Variants in SCN4A observed in about 807,000 individuals in gnomAD.
SCN4A encodes sodium voltage-gated channel alpha subunit 4, also known as sodium channel protein type 4 subunit alpha.
Under a neutral mutation model 162.0 loss-of-function variants are expected in SCN4A, and 83 were observed. The observed-to-expected ratio is 0.51, with a 90% CI of 0.43 to 0.61. The LOEUF (loss-of-function observed/expected upper bound fraction) is 0.61, where lower values mean the gene tolerates loss of function less well. SCN4A is among the 20% of genes least tolerant of loss of function. SCN4A has a pLI of 0.00. For missense variants in SCN4A, 2,196 were observed against 2,462.5 expected (o/e 0.89, Z 2.29); for synonymous variants, 944 against 985.1 (o/e 0.96, Z 0.78).
chr17:63,945,868 C>T lies in SCN4A; in HGVS notation c.3442-230G>A, dbSNP rs1471997342. Among the ~76,000 whole-genome samples, 1 of 152,042 alleles carries T rather than the reference C, an allele frequency of 6.6e-6. No individual in the cohort carries two copies. The highest frequency in any genetic ancestry group is 2.4e-5 in the African/African-American group (1 of 41,378). On this transcript the variant is annotated intron_variant, in intron 18 of 23. Transcript: ENST00000435607. This position sits in a 1 kb window ranked among gnomAD's most constrained non-coding sequence, Gnocchi z 4.4. ...AGAGGGCTCTCTGCTTGACTGGAGC[C>T]ATCAGCCCAGAGTAGGGGTGCTGGG...
chr17:63,961,281 A>C lies in SCN4A; in HGVS notation c.1757T>G (p.Ile586Ser), dbSNP rs772943973. The C allele has an allele frequency of 2.5e-6, 4 of 1,613,056 alleles. No individual in the cohort carries two copies. In the Admixed American group the frequency reaches 6.7e-5, roughly 27 times the overall value. ...GAAGAGGGTGTTGAGCACGATGCAG[A>C]TGGTGATGCCCAGGTCCACGAACGG... ...MDPFVDLGIT[I>S]CIVLNTLFMA... Residue 586 changes from isoleucine (I) to serine (S), a missense_variant, in exon 11 of 24, where the codon ATC (isoleucine) becomes AGC (serine). Coordinates refer to ENST00000435607, the MANE Select transcript of SCN4A (RefSeq NM_000334.4).
chr17:63,968,910 G>A lies in SCN4A; in HGVS notation c.704-555C>T, dbSNP rs149218242. Among the ~76,000 whole-genome samples the A allele has an allele frequency of 3.8e-3, 575 of 152,322 alleles. 1 individual carries two copies. The highest frequency in any genetic ancestry group is 6.2e-3 in the Non-Finnish European group (419 of 68,020). On this transcript the variant is annotated intron_variant, in intron 5 of 23. Coordinates refer to ENST00000435607, the MANE Select transcript of SCN4A (RefSeq NM_000334.4). ...GCTGGAATGCAGTGGCGTGATCTTG[G>A]CTCACTGCAACCTCTGCCTCCTGGG...
Position 63,968,015 on chromosome 17 carries a change from A to G in SCN4A, c.1036+8T>C. 6.2e-7 allele frequency: 1 copy of G among 1,611,014 alleles called. No individual in the cohort carries two copies. The highest frequency in any genetic ancestry group is 2.2e-5 in the East Asian group (1 of 44,796). On this transcript the variant is annotated splice_region_variant and intron_variant, in intron 6 of 23. Transcript: ENST00000435607. ...ATCCCCCTTGCCCGTCACCCTCCCC[A>G]TTCTTACCTTCATCACTGATGTAGG...
chr17:63,967,583 G>A (rs1909487652), intron 6 of SCN4A, among the ~76,000 whole-genome samples: 2 of 152,160 alleles, frequency 1.3e-5, no homozygotes, highest in African/African-American at 4.8e-5. Flanking sequence ...AGGTGACACA[G>A]GCTGCCAAGT....
intron 10 of SCN4A, 134 bp from the exon 11 acceptor site, chr17:63,961,565 A>T: frequency 1.5e-6 from 1 of 653,250 alleles, no homozygotes; most frequent in Non-Finnish European, 2.7e-6. Flanking sequence ...AGCAAGGCCT[A>T]TTCCAAGTTC....
rs963511714 is a variant in SCN4A at position 63,940,686 on chromosome 17, C to T, written c.*85G>A. On this transcript the variant is annotated 3_prime_UTR_variant, in exon 24 of 24. Coordinates refer to ENST00000435607, the MANE Select transcript of SCN4A (RefSeq NM_000334.4). ...CCAGGCACAGTCCCAGATTCAAAGCCCTCCTCCCTCACTCTGTGTGCAGGC... is the reference window on the plus strand; with the variant it reads ...CCAGGCACAGTCCCAGATTCAAAGCTCTCCTCCCTCACTCTGTGTGCAGGC... 8.2e-6 allele frequency: 12 copies of T among 1,470,812 alleles called. No homozygotes were observed. Among genetic ancestry groups the T allele is most frequent in the Middle Eastern group, 2.4e-4 (1 of 4,098 alleles). 91.1% of individuals were successfully genotyped at this position (1,470,812 alleles called of 1,614,324 possible). A position where few individuals can be genotyped will look rare whatever the true frequency, so the allele number is the denominator to read the frequency against.
intron 14 of SCN4A, 90 bp from the exon 15 acceptor site, chr17:63,949,618 G>A: frequency 2.1e-6 from 3 of 1,426,842 alleles, no homozygotes; most frequent in Non-Finnish European, 1.9e-6. Flanking sequence ...AGACCAGAAG[G>A]GAAGGGAAGA....
At position 63,945,340 on chromosome 17, in the gene SCN4A, G is replaced by A. The variant is rs1187897404; in HGVS notation, c.3720+20C>T. 4 of 1,596,438 alleles carry A rather than the reference G, an allele frequency of 2.5e-6. No individual in the cohort carries two copies. Among genetic ancestry groups the A allele is most frequent in the South Asian group, 2.2e-5 (2 of 90,134 alleles). ...GCACCTCCATCCAGGTTCCCGGCAGGGGTGGTGGGTCACACTCACCACCTG... is the reference window on the plus strand; with the variant it reads ...GCACCTCCATCCAGGTTCCCGGCAGAGGTGGTGGGTCACACTCACCACCTG... On this transcript the variant is annotated intron_variant, in intron 19 of 23. Transcript: ENST00000435607. This position sits in a 1 kb window ranked among gnomAD's most constrained non-coding sequence, Gnocchi z 4.4.
intron 11 of SCN4A, among the ~76,000 whole-genome samples, chr17:63,960,855 C>T (rs926759425): frequency 6.6e-6 from 1 of 152,040 alleles, no homozygotes; most frequent in East Asian, 1.9e-4. Flanking sequence ...GTCAGCTAGC[C>T]CCTTCACCCC....
intron 8 of SCN4A, among the ~76,000 whole-genome samples, chr17:63,965,204 C>A (rs147926036): frequency 0.012 from 1,750 of 152,054 alleles, 26 homozygotes; most frequent in African/African-American, 0.041. Flanking sequence ...GCCACCAAAC[C>A]TGGCTAATTT....
chr17:63,948,431 T>C (rs1178854495), intron 16 of SCN4A, among the ~76,000 whole-genome samples, 180 bp downstream of exon 16: 1 of 152,122 alleles, frequency 6.6e-6, no homozygotes, highest in Non-Finnish European at 1.5e-5. Context: ...ACCTCTGCCA[T>C]GTTAGAAAGT....
intron 18 of SCN4A, among the ~76,000 whole-genome samples, chr17:63,946,508 C>G (rs1433493166): frequency 2.1e-5 from 3 of 144,392 alleles, no homozygotes; most frequent in Non-Finnish European, 4.6e-5. Flanking sequence ...CTGCCACTTC[C>G]GCTCTCCAGG....
Position 63,951,513 on chromosome 17 carries a change from T to G in SCN4A, c.2764A>C (p.Ile922Leu), listed in dbSNP as rs1273256363. The change falls in exon 14 of 24, where the codon ATA (isoleucine) becomes CTA (leucine). Residue 922 changes from isoleucine (I) to leucine (L), a missense_variant. Coordinates refer to ENST00000435607, the MANE Select transcript of SCN4A (RefSeq NM_000334.4). This position sits in a 1 kb window ranked among gnomAD's most constrained non-coding sequence, Gnocchi z 4.5. ...LNFINNPYLTIQVPIASEESD... is the reference protein window; with the variant it reads ...LNFINNPYLTLQVPIASEESD... The stretch of plus-strand genomic sequence containing the variant: ...TCCTCGGAGGCGATGGGCACCTGTA[T>G]GGTCAGGTAGGGGTTGTTGATGAAG... 2 of 1,613,864 alleles carry G rather than the reference T, an allele frequency of 1.2e-6. No homozygotes were observed. Among genetic ancestry groups the G allele is most frequent in the Non-Finnish European group, 1.7e-6 (2 of 1,179,838 alleles).
rs1477014551 is a variant in SCN4A, at chr17:63,948,063, C to G, written c.3145G>C (p.Ala1049Pro). 2 of 1,593,244 alleles carry G rather than the reference C, an allele frequency of 1.3e-6. No individual in the cohort carries two copies. The highest frequency in any genetic ancestry group is 2.2e-5 in the South Asian group (2 of 89,824). Residue 1049 changes from alanine (A) to proline (P), a missense_variant and splice_region_variant, in exon 17 of 24, where the codon GCC becomes CCC. By Grantham distance (27) the Ala-to-Pro change is conservative. Transcript: ENST00000435607. Reference sequence around the variant, plus strand: ...TGCTCAATGTAGATGTCCTCGAAGGCCTGGGGGCACCAGCACCACCAGGGT... The same window carrying G: ...TGCTCAATGTAGATGTCCTCGAAGGGCTGGGGGCACCAGCACCACCAGGGT... ...FMILLSSGAL[A>P]FEDIYIEQRR...
In SCN4A at chr17:63,948,651, G is replaced by A. The variant is rs1908805302; in HGVS notation, c.3104C>T (p.Thr1035Ile). 1.2e-6 allele frequency: 2 copies of A among 1,613,866 alleles called. No individual in the cohort carries two copies. Among genetic ancestry groups the A allele is most frequent in the East Asian group, 2.2e-5 (1 of 44,866 alleles). Residue 1035 changes from threonine (T) to isoleucine (I), a missense_variant, in exon 16 of 24, where the codon ACC becomes ATC. Coordinates refer to ENST00000435607, the MANE Select transcript of SCN4A (RefSeq NM_000334.4). ...GAGCAGGATCATGAAGACAATGAAG[G>A]TCTCGAACCAGTTGTGCTCGACAAT... ...FKIVEHNWFE[T>I]FIVFMILLSS...
At position 63,945,432 on chromosome 17, in the gene SCN4A, G is replaced by A. The variant is rs1402159439; in HGVS notation, c.3648C>T (p.Gly1216=). The change falls in exon 19 of 24, where the codon GGC becomes GGT. Residue 1216 remains glycine, a synonymous_variant. Coordinates refer to ENST00000435607, the MANE Select transcript of SCN4A (RefSeq NM_000334.4). The surrounding 1 kb of genome is among the most constrained non-coding windows in gnomAD (Gnocchi z 4.4). ...CCTTGACATTGAGCCAGCGGACCTG[G>A]CCTGTGTGCATGAGGCTCTCGCACT... ...KSECESLMHT[G]QVRWLNVKVN... is the part of the protein sequence containing the mutation. 6.2e-7 allele frequency: 1 copy of A among 1,613,958 alleles called. No homozygotes were observed. The highest frequency in any genetic ancestry group is 1.1e-5 in the South Asian group (1 of 91,078).
At position 63,944,300 on chromosome 17, in the gene SCN4A, T is replaced by C. The variant is rs1908641507; in HGVS notation, c.3912+373A>G. Among the ~76,000 whole-genome samples, 1 of 152,112 alleles carries C rather than the reference T, an allele frequency of 6.6e-6. No homozygotes were observed. Among genetic ancestry groups the C allele is most frequent in the South Asian group, 2.1e-4 (1 of 4,824 alleles). On this transcript the variant is annotated intron_variant, in intron 21 of 23. Coordinates refer to ENST00000435607, the MANE Select transcript of SCN4A (RefSeq NM_000334.4). This position sits in a 1 kb window ranked among gnomAD's most constrained non-coding sequence, Gnocchi z 4.3. ...GATTACAGATGCCTGCCACCACGCC[T>C]GGCTAATTTCTTTTTTTAATTTTTT...
Position 63,945,063 on chromosome 17 carries a change from G to A in SCN4A, c.3721-3C>T. On this transcript the variant is annotated splice_region_variant and splice_polypyrimidine_tract_variant and intron_variant, in intron 19 of 23. Transcript: ENST00000435607. The surrounding 1 kb of genome is among the most constrained non-coding windows in gnomAD (Gnocchi z 4.4). ...TCCATCCAACCCTTGAAGGTGGCCT[G>A]AGAGAGTGTGGTTGGGGAGTGAGCC... The A allele has an allele frequency of 6.2e-7, 1 of 1,613,562 alleles. No individual in the cohort carries two copies. The highest frequency in any genetic ancestry group is 8.5e-7 in the Non-Finnish European group (1 of 1,179,680).
chr17:63,943,246 G>T, intron 22 of SCN4A, 150 bp from the exon 23 acceptor site: 2 of 955,228 alleles, frequency 2.1e-6, no homozygotes, highest in South Asian at 1.6e-5. Flanking sequence ...GAAAGGAGGT[G>T]TTGGGGGTTG....
Sources: gnomAD v4.1 joint callset for allele counts (sites outside exome capture counted in the v4.1 genomes callset) on GRCh38, gnomAD v4.1.1 for gene constraint, Gnocchi (gnomAD v3.1) non-coding constraint, MANE v1.5 for transcripts, NCBI Gene and HGNC (gene_info 2026-07-23, HGNC 2026-07-21) for gene names.